The following RIGI variants were observed in gnomAD, a reference collection of about 807,000 sequenced individuals.
RIGI encodes RNA sensor RIG-I.
the RIGI span, chr9:32,481,502 T>TAAAAAAAA: frequency 7.4e-7 from 1 of 1,347,616 alleles, no homozygotes; most frequent in South Asian, 1.4e-5. Flanking sequence ...AGTTTTCTGT[T>TAAAAAAAA]AAAAAAAAAA....
At chr9:32,518,123 T>C in the RIGI span, among the ~76,000 whole-genome samples, 2 of 150,444 alleles carry the variant, frequency 1.3e-5, no homozygotes, top group African/African-American at 5.0e-5. Flanking sequence ...ATTCTATATA[T>C]AAAATGTGCA....
the RIGI span, among the ~76,000 whole-genome samples, chr9:32,521,152 A>AAAAAAAAAAAC: frequency 6.6e-6 from 1 of 150,416 alleles, no homozygotes; most frequent in African/African-American, 2.4e-5. Context: ...AAAAAAAAAA[A>AAAAAAAAAAAC]AAAAAAAAAA....
At chr9:32,465,789 C>T in the RIGI span, among the ~76,000 whole-genome samples, 1 of 152,162 alleles carries the variant, frequency 6.6e-6, no homozygotes, top group Admixed American at 6.5e-5. Context: ...TGTTTCTTGA[C>T]TTTCTCCAAT....
chr9:32,487,794 C>A, the RIGI span: 5 of 1,272,746 alleles, frequency 3.9e-6, no homozygotes, highest in Non-Finnish European at 5.4e-6. Flanking sequence ...ACTAAGTGAA[C>A]AAATGAATAA....
chr9:32,468,440 T>A, the RIGI span, among the ~76,000 whole-genome samples: 6 of 152,030 alleles, frequency 3.9e-5, no homozygotes, highest in African/African-American at 1.4e-4. Context: ...CCAAGGCAGG[T>A]GAATCACTTG....
At chr9:32,465,263 A>G in the RIGI span, among the ~76,000 whole-genome samples, 1 of 152,210 alleles carries the variant, frequency 6.6e-6, no homozygotes, top group East Asian at 1.9e-4. Context: ...CAGCTTTAGG[A>G]AGAAAAATGT....
the RIGI span, among the ~76,000 whole-genome samples, chr9:32,490,108 C>T: frequency 6.6e-6 from 1 of 152,194 alleles, no homozygotes; most frequent in Non-Finnish European, 1.5e-5. Context: ...GGTGCAGTGG[C>T]TCATGCCTGT....
At chr9:32,500,968 A>T in the RIGI span, 1 of 1,611,204 alleles carries the variant, frequency 6.2e-7, no homozygotes, top group Non-Finnish European at 8.5e-7. Context: ...ATGACTCATC[A>T]AACTGCAGAA....
chr9:32,513,093 A>G, the RIGI span, among the ~76,000 whole-genome samples: 1 of 151,884 alleles, frequency 6.6e-6, no homozygotes, highest in Non-Finnish European at 1.5e-5. Context: ...ATGGAAGAAC[A>G]TTCCATGCTC....
At chr9:32,462,142 TCA>T in the RIGI span, among the ~76,000 whole-genome samples, 2 of 152,182 alleles carry the variant, frequency 1.3e-5, no homozygotes, top group African/African-American at 4.8e-5. Flanking sequence ...TATTCAAGTC[TCA>T]GTTTCCTGCC....
At chr9:32,459,602 G>T in the RIGI span, 3 of 1,226,796 alleles carry the variant, frequency 2.4e-6, no homozygotes, top group African/African-American at 1.5e-5. Flanking sequence ...ACATATACAT[G>T]CACGCACATG....
At chr9:32,505,478 C>G in the RIGI span, among the ~76,000 whole-genome samples, 5,175 of 152,192 alleles carry the variant, frequency 0.034, 287 homozygotes, top group African/African-American at 0.11. Flanking sequence ...TCCCCAGGCA[C>G]AAACATAGGC....
chr9:32,524,671 G>C, the RIGI span, among the ~76,000 whole-genome samples: 2 of 138,486 alleles, frequency 1.4e-5, no homozygotes, highest in Admixed American at 7.7e-5. Context: ...GCAGTGGTGC[G>C]ATCTCACCAT....
the RIGI span, among the ~76,000 whole-genome samples, chr9:32,522,553 G>T: frequency 6.6e-6 from 1 of 152,218 alleles, no homozygotes; most frequent in Non-Finnish European, 1.5e-5. Flanking sequence ...TGCACTTTGT[G>T]TGGGTAAATA....
At chr9:32,498,838 C>T in the RIGI span, among the ~76,000 whole-genome samples, 2 of 151,954 alleles carry the variant, frequency 1.3e-5, no homozygotes, top group African/African-American at 4.8e-5. Context: ...CAATAATTAG[C>T]CAGATGTGGT....
the RIGI span, among the ~76,000 whole-genome samples, chr9:32,518,358 T>G: frequency 6.6e-6 from 1 of 151,618 alleles, no homozygotes; most frequent in Non-Finnish European, 1.5e-5. Flanking sequence ...ATGGTATTTT[T>G]TTTGTCCTAA....
the RIGI span, chr9:32,500,793 G>A: frequency 6.2e-7 from 1 of 1,604,394 alleles, no homozygotes; most frequent in South Asian, 1.1e-5. Flanking sequence ...TGATTAAAAA[G>A]AATGAACTAA....
At chr9:32,489,674 A>C in the RIGI span, among the ~76,000 whole-genome samples, 4 of 150,570 alleles carry the variant, frequency 2.7e-5, no homozygotes, top group Non-Finnish European at 4.5e-5. Flanking sequence ...AAAAAAAAAA[A>C]CATGAATTAT....
chr9:32,477,213 C>T, the RIGI span: 1 of 1,498,036 alleles, frequency 6.7e-7, no homozygotes, highest in African/African-American at 1.4e-5. Flanking sequence ...ATCGTTCAAA[C>T]AGCTGATCTC....
Sources: allele counts gnomAD v4.1 joint callset (sites outside exome capture counted in the v4.1 genomes callset), GRCh38; gene constraint gnomAD v4.1.1; transcripts MANE v1.5; gene names NCBI Gene and HGNC (gene_info 2026-07-23, HGNC 2026-07-21).